ZNF367: variants seen among roughly 807,000 people sequenced by gnomAD.
ZNF367 encodes C2H2 zinc finger protein ZFF29.
Under a neutral mutation model 31.8 loss-of-function variants are expected in ZNF367, and 11 were observed. That is an observed-to-expected ratio of 0.35 (90% confidence interval 0.22 to 0.57). ZNF367 has a LOEUF of 0.57. ZNF367 is among the 20% of genes least tolerant of loss of function. ZNF367 has a pLI of 0.85. For synonymous variants in ZNF367, 199 were observed against 202.4 expected (o/e 0.98, Z 0.14); for missense variants, 353 against 484.1 (o/e 0.73, Z 2.54).
chr9:96,394,817 C>CCGTA lies in ZNF367; in HGVS notation c.691+2_691+5dup, dbSNP rs754337523. 13 of 1,613,272 alleles carry CCGTA rather than the reference C, an allele frequency of 8.1e-6. No homozygotes were observed. Among genetic ancestry groups the CCGTA allele is most frequent in the Non-Finnish European group, 1.0e-5 (12 of 1,179,608 alleles). ...TATTCCATAAACTTAACTTCTAACACCGTACCATTTTCTGAACAAACAAAA... is the reference window on the plus strand; with the variant it reads ...TATTCCATAAACTTAACTTCTAACACCGTACGTACCATTTTCTGAACAAACAAAA... On this transcript the variant is annotated splice_donor_region_variant and intron_variant, in intron 3 of 4. Transcript: ENST00000375256.
At chr9:96,390,825 A>G (rs181940304) in intron 4 of ZNF367, among the ~76,000 whole-genome samples, 36 of 147,540 alleles carry the variant, frequency 2.4e-4, no homozygotes, top group Non-Finnish European at 4.9e-4. Context: ...TCAAGGCTCA[A>G]TGAGCTAATA....
In ZNF367 at chr9:96,417,730, G is replaced by C. The variant is rs1232108807; in HGVS notation, c.303C>G (p.Ala101=). The part of the protein sequence containing the change: ...ASAALPAAAA[A]EHSGLRGRGA... ...CCCGGCCACGAAGCCCCGAGTGCTC[G>C]GCGGCTGCGGCTGCAGGCAGGGCGG... is the stretch of plus-strand genomic sequence containing the variant. The change falls in exon 1 of 5, where the codon GCC becomes GCG. Residue 101 remains alanine (A), a synonymous_variant. Transcript: ENST00000375256. The surrounding 1 kb of genome is among the most constrained non-coding windows in gnomAD (Gnocchi z 5.0). 1.6e-6 allele frequency: 2 copies of C among 1,225,276 alleles called. No individual in the cohort carries two copies. Among genetic ancestry groups the C allele is most frequent in the Non-Finnish European group, 2.0e-6 (2 of 983,028 alleles). 75.9% of individuals were successfully genotyped at this position (1,225,276 alleles called of 1,614,324 possible). A position where few individuals can be genotyped will look rare whatever the true frequency, so the allele number is the denominator to read the frequency against.
At chr9:96,394,519 TGA>T (rs1212751594) in intron 3 of ZNF367, among the ~76,000 whole-genome samples, 2 of 152,216 alleles carry the variant, frequency 1.3e-5, no homozygotes, top group Admixed American at 6.5e-5. Flanking sequence ...GACCCATGCT[TGA>T]GAGGATGGAT....
At chr9:96,412,697 C>CTTTTT (rs71368258) in intron 1 of ZNF367, among the ~76,000 whole-genome samples, 58 of 133,798 alleles carry the variant, frequency 4.3e-4, no homozygotes, top group East Asian at 1.5e-3. Context: ...TTTTTCTTTT[C>CTTTTT]TTTTTTTTTT....
chr9:96,413,165 T>C (rs1244895644), intron 1 of ZNF367, among the ~76,000 whole-genome samples: 1 of 152,226 alleles, frequency 6.6e-6, no homozygotes, highest in African/African-American at 2.4e-5. Flanking sequence ...CCATACAATC[T>C]TAACTAGATT....
intron 4 of ZNF367, 65 bp downstream of exon 4, chr9:96,392,333 G>T (rs1587741630): frequency 6.2e-7 from 1 of 1,610,090 alleles, no homozygotes; most frequent in Non-Finnish European, 8.5e-7. Flanking sequence ...GCATGTCCAG[G>T]TCCCTGACAT....
At chr9:96,390,883 C>CG (rs1460737868) in intron 4 of ZNF367, among the ~76,000 whole-genome samples, 34 of 67,432 alleles carry the variant, frequency 5.0e-4, no homozygotes, top group South Asian at 1.1e-3. Context: ...GACCCTGTCT[C>CG]GAAAAAAAAA....
chr9:96,416,095 T>G (rs909694361), intron 1 of ZNF367, among the ~76,000 whole-genome samples: 9 of 149,724 alleles, frequency 6.0e-5, no homozygotes, highest in African/African-American at 1.7e-4. Flanking sequence ...TTGTTTTTTT[T>G]TTTTTTTTTT....
intron 1 of ZNF367, among the ~76,000 whole-genome samples, chr9:96,411,758 T>C (rs74830765): frequency 0.013 from 1,934 of 152,204 alleles, 32 homozygotes; most frequent in African/African-American, 0.042. Flanking sequence ...TGCTGAAATA[T>C]ACAGCATAAT....
chr9:96,410,576 A>AC lies in ZNF367; in HGVS notation c.420+7036_420+7037insG, dbSNP rs1346408316. Reference sequence around the variant, plus strand: ...GACTCCGTCTCAAAAAAAAAAAAAAAAAACAAAAAAAACCATAGACCAGGC... The same window carrying AC: ...GACTCCGTCTCAAAAAAAAAAAAAAACAAACAAAAAAAACCATAGACCAGGC... On this transcript the variant is annotated intron_variant, in intron 1 of 4. Coordinates refer to ENST00000375256, the MANE Select transcript of ZNF367 (RefSeq NM_153695.4). 6.8e-5 allele frequency among the ~76,000 whole-genome samples: 10 copies of AC among 147,604 alleles called. 1 individual carries two copies. Among genetic ancestry groups the AC allele is most frequent in the Middle Eastern group, 3.5e-3 (1 of 284 alleles).
At chr9:96,404,440 A>C (rs1247270939) in intron 1 of ZNF367, among the ~76,000 whole-genome samples, 1 of 152,144 alleles carries the variant, frequency 6.6e-6, no homozygotes, top group Non-Finnish European at 1.5e-5. Flanking sequence ...TAAAAATAAA[A>C]AAATTAGCCG....
At chr9:96,394,178 G>T (rs1049256463) in intron 3 of ZNF367, among the ~76,000 whole-genome samples, 26 of 152,068 alleles carry the variant, frequency 1.7e-4, no homozygotes, top group African/African-American at 5.8e-4. Flanking sequence ...TGCCCTTTAA[G>T]GTTTCATCAA....
chr9:96,401,426 C>T (rs564896257), intron 1 of ZNF367, among the ~76,000 whole-genome samples: 3 of 151,914 alleles, frequency 2.0e-5, no homozygotes, highest in East Asian at 1.9e-4. Flanking sequence ...TTTGGGAAGC[C>T]GAGGCGGGCA....
intron 4 of ZNF367, among the ~76,000 whole-genome samples, chr9:96,392,140 A>G (rs1831479363): frequency 6.6e-6 from 1 of 152,146 alleles, no homozygotes; most frequent in Non-Finnish European, 1.5e-5. Context: ...ACATTTTTTC[A>G]AAATAGGAAA....
intron 1 of ZNF367, among the ~76,000 whole-genome samples, chr9:96,403,519 A>T (rs1754604170): frequency 6.6e-6 from 1 of 152,090 alleles, no homozygotes. Context: ...GCTATCCTCA[A>T]GTTCATATGG....
intron 1 of ZNF367, among the ~76,000 whole-genome samples, chr9:96,410,571 A>G (rs867583276): frequency 6.8e-5 from 10 of 147,490 alleles, no homozygotes; most frequent in African/African-American, 2.5e-4. Context: ...CAAAAAAAAA[A>G]AAAAAAAACA....
chr9:96,395,602 C>T (rs1831521818), intron 2 of ZNF367, among the ~76,000 whole-genome samples: 1 of 152,154 alleles, frequency 6.6e-6, no homozygotes. Context: ...TGTTCTAATC[C>T]TTGAAAATCC....
chr9:96,400,045 G>C (rs193255540), intron 1 of ZNF367, among the ~76,000 whole-genome samples: 5 of 152,126 alleles, frequency 3.3e-5, no homozygotes, highest in Admixed American at 1.3e-4. Flanking sequence ...TACAAAGCAT[G>C]TGAAGAAATA....
intron 1 of ZNF367, among the ~76,000 whole-genome samples, chr9:96,408,219 T>A (rs1319568107): frequency 6.6e-6 from 1 of 151,916 alleles, no homozygotes; most frequent in African/African-American, 2.4e-5. Flanking sequence ...AATAAATAAA[T>A]AAATAATAAA....
Sources: gnomAD v4.1 joint callset for allele counts (sites outside exome capture counted in the v4.1 genomes callset) on GRCh38, gnomAD v4.1.1 for gene constraint, Gnocchi (gnomAD v3.1) non-coding constraint, MANE v1.5 for transcripts, NCBI Gene and HGNC (gene_info 2026-07-23, HGNC 2026-07-21) for gene names.